The following DENND1B variants were observed in gnomAD, a reference collection of about 807,000 sequenced individuals.
The protein encoded by DENND1B is DENN domain containing 1B.
DENND1B carries 59 observed loss-of-function variants against 90.1 expected under a neutral mutation model. That is an observed-to-expected ratio of 0.65 (90% CI 0.53 to 0.81). The LOEUF is 0.81. DENND1B is among the 40% of genes least tolerant of loss of function. DENND1B has a pLI of 0.00. For missense variants in DENND1B, 862 were observed against 912.6 expected, an observed-to-expected ratio of 0.94 and a Z score of 0.71; for synonymous variants, 337 against 324.6, an observed-to-expected ratio of 1.04 and a Z score of -0.41.
Position 197,583,150 on chromosome 1 carries a change from A to G in DENND1B, c.1149+2T>C. ...AAGAAAAATGTGGAGGTCCACTCTT[A>G]CCTGCTTAAAAAGCTGGAGGTTAAT... On this transcript the variant is annotated splice_donor_variant, in intron 15 of 22. Transcript: ENST00000620048. LOFTEE classifies it high-confidence loss of function. 6.2e-7 allele frequency: 1 copy of G among 1,613,220 alleles called. No individual in the cohort carries two copies. The highest frequency in any genetic ancestry group is 8.5e-7 in the Non-Finnish European group (1 of 1,179,258).
At chr1:197,609,824 G>GA (rs1173000212) in intron 12 of DENND1B, among the ~76,000 whole-genome samples, 1 of 150,420 alleles carries the variant, frequency 6.6e-6, no homozygotes, top group African/African-American at 2.4e-5. Context: ...ATTCCTTAAA[G>GA]AAAAAATTGG....
chr1:197,673,114 A>G (rs1272671202), intron 4 of DENND1B, among the ~76,000 whole-genome samples: 4 of 152,050 alleles, frequency 2.6e-5, no homozygotes, highest in Non-Finnish European at 5.9e-5. Context: ...TAACAACTAC[A>G]CTTTTCAGTG....
chr1:197,780,337 T>C (rs1327731184), upstream of DENND1B, among the ~76,000 whole-genome samples: 1 of 151,142 alleles, frequency 6.6e-6, no homozygotes, highest in Admixed American at 6.6e-5. Context: ...CTTTTTTTTT[T>C]TTTTTTTGAG....
intron 3 of DENND1B, among the ~76,000 whole-genome samples, chr1:197,700,312 C>T (rs1199113469): frequency 6.6e-6 from 1 of 152,046 alleles, no homozygotes; most frequent in Non-Finnish European, 1.5e-5. Flanking sequence ...AGAAATAACA[C>T]CACACACCTA....
At chr1:197,623,531 C>G (rs1490834550) in intron 10 of DENND1B, among the ~76,000 whole-genome samples, 1 of 151,410 alleles carries the variant, frequency 6.6e-6, no homozygotes, top group Non-Finnish European at 1.5e-5. Flanking sequence ...GTTTGGAGAA[C>G]AGAAATTTTA....
chr1:197,564,480 A>G (rs1672454345), intron 15 of DENND1B, among the ~76,000 whole-genome samples: 1 of 149,276 alleles, frequency 6.7e-6, no homozygotes, highest in African/African-American at 2.5e-5. Context: ...GTATTTTTCA[A>G]TTAAGGTATG....
chr1:197,725,022 C>T (rs900749396), intron 2 of DENND1B, among the ~76,000 whole-genome samples: 17 of 152,000 alleles, frequency 1.1e-4, no homozygotes, highest in Admixed American at 1.0e-3. Context: ...AGATACCAGA[C>T]TGTGTATAAT....
At chr1:197,758,857 TTC>T (rs1654639285) in intron 2 of DENND1B, among the ~76,000 whole-genome samples, 2 of 152,084 alleles carry the variant, frequency 1.3e-5, no homozygotes, top group South Asian at 4.2e-4. Flanking sequence ...TCTTATGAAA[TTC>T]TCTCTCCTTG....
At chr1:197,770,699 T>C (rs894527064) in intron 2 of DENND1B, among the ~76,000 whole-genome samples, 8 of 142,776 alleles carry the variant, frequency 5.6e-5, no homozygotes, top group Non-Finnish European at 1.1e-4. Context: ...TAAATATATA[T>C]CTATAAATAT....
rs760774935 is a variant in DENND1B, at chr1:197,645,726, G to A, written c.525C>T (p.Ala175=). Residue 175 remains alanine (A), a synonymous_variant, in exon 9 of 23, where the codon GCC becomes GCT. Transcript: ENST00000620048. ...PALVPHSYFI[A]PDVTGLPTIP... ...TTGTTGGGAGTCCAGTTACATCAGG[G>A]GCAATGAAGTAGGAATGCTAATCAA... 9 of 1,570,922 alleles carry A rather than the reference G, an allele frequency of 5.7e-6. No homozygotes were observed. The highest frequency in any genetic ancestry group is 3.5e-6 in the Non-Finnish European group (4 of 1,158,674).
intron 20 of DENND1B, among the ~76,000 whole-genome samples, chr1:197,521,439 T>C (rs960453885): frequency 3.3e-5 from 5 of 151,824 alleles, no homozygotes; most frequent in African/African-American, 4.8e-5. Context: ...AATGAGAAAA[T>C]ATAACTTTTT....
chr1:197,692,661 A>G (rs966221202), intron 3 of DENND1B, among the ~76,000 whole-genome samples: 7 of 151,864 alleles, frequency 4.6e-5, no homozygotes, highest in African/African-American at 1.7e-4. Context: ...AATGCAAAAC[A>G]TATTAAATAA....
chr1:197,752,067 G>A (rs921311174), intron 2 of DENND1B, among the ~76,000 whole-genome samples: 2 of 151,628 alleles, frequency 1.3e-5, no homozygotes, highest in African/African-American at 2.4e-5. Context: ...AGAAATCAAT[G>A]AAAACAGAAA....
chr1:197,558,961 T>C (rs1337593880), intron 15 of DENND1B, among the ~76,000 whole-genome samples: 1 of 151,934 alleles, frequency 6.6e-6, no homozygotes, highest in Non-Finnish European at 1.5e-5. Flanking sequence ...ATAGACTCCA[T>C]AGGAGGCTTC....
chr1:197,517,195 A>C (rs956395435), intron 20 of DENND1B, among the ~76,000 whole-genome samples: 4 of 151,952 alleles, frequency 2.6e-5, no homozygotes, highest in Admixed American at 2.6e-4. Context: ...TGTGGATTAA[A>C]GAGATGCTAG....
At chr1:197,511,496 A>T (rs754567790) in intron 22 of DENND1B, among the ~76,000 whole-genome samples, 2 of 151,778 alleles carry the variant, frequency 1.3e-5, no homozygotes, top group African/African-American at 4.8e-5. Context: ...TGACAAAATA[A>T]TTTCAATTAA....
intron 20 of DENND1B, among the ~76,000 whole-genome samples, chr1:197,539,126 C>A (rs1474640175): frequency 1.3e-5 from 2 of 152,168 alleles, no homozygotes; most frequent in African/African-American, 4.8e-5. Flanking sequence ...TTCTGTGGTG[C>A]CTGGCTATCC....
At chr1:197,616,420 A>C (rs755031384) in intron 11 of DENND1B, among the ~76,000 whole-genome samples, 2 of 151,062 alleles carry the variant, frequency 1.3e-5, no homozygotes, top group Admixed American at 6.6e-5. Flanking sequence ...ACACTTAACA[A>C]TATAAACTAC....
At chr1:197,623,601 C>A (rs1678372128) in intron 10 of DENND1B, among the ~76,000 whole-genome samples, 1 of 151,384 alleles carries the variant, frequency 6.6e-6, no homozygotes, top group Admixed American at 6.6e-5. Context: ...TCTTAGAATA[C>A]TTTTACATTC....
Sources: gnomAD v4.1 joint callset for allele counts (sites outside exome capture counted in the v4.1 genomes callset) on GRCh38, gnomAD v4.1.1 for gene constraint, MANE v1.5 for transcripts, NCBI Gene and HGNC (gene_info 2026-07-23, HGNC 2026-07-21) for gene names.